Variants in TRAPPC11 observed in about 807,000 individuals in gnomAD.
The protein encoded by TRAPPC11 is trafficking protein particle complex subunit 11.
In TRAPPC11, 104 loss-of-function variants were observed where a neutral mutation model predicts 151.2. That is an observed-to-expected ratio of 0.69 (90% confidence interval 0.59 to 0.81). The LOEUF is 0.81. Among genes scored for constraint, TRAPPC11 ranks in the 30% least tolerant of loss-of-function variants. TRAPPC11 has a pLI of 0.00. For missense variants in TRAPPC11, 1,230 were observed against 1,349.6 expected, an observed-to-expected ratio of 0.91 and a Z score of 1.39; for synonymous variants, 456 against 472.3, an observed-to-expected ratio of 0.97 and a Z score of 0.45.
chr4:183,687,928 C>A (rs1406173407), intron 18 of TRAPPC11, among the ~76,000 whole-genome samples: 1 of 152,036 alleles, frequency 6.6e-6, no homozygotes, highest in African/African-American at 2.4e-5. Context: ...TTTTTTCTTG[C>A]AGAATTGGGA....
chr4:183,708,177 G>A (rs1300873442), intron 28 of TRAPPC11, among the ~76,000 whole-genome samples: 1 of 152,114 alleles, frequency 6.6e-6, no homozygotes, highest in South Asian at 2.1e-4. Context: ...GGTAGAAACC[G>A]AGAAATCTTG....
At chr4:183,667,159 T>TA in intron 4 of TRAPPC11, 29 bp downstream of exon 4, 1 of 1,553,708 alleles carries the variant, frequency 6.4e-7, no homozygotes, top group Non-Finnish European at 8.8e-7. Context: ...ATGAATTAAT[T>TA]GTTTTATACC....
chr4:183,691,239 T>C, intron 18 of TRAPPC11, 77 bp from the exon 19 acceptor site: 1 of 1,189,254 alleles, frequency 8.4e-7, no homozygotes. Context: ...GGAGTTATAC[T>C]AAATGAGCTC....
intron 23 of TRAPPC11, among the ~76,000 whole-genome samples, chr4:183,696,090 A>G (rs934950417): frequency 6.6e-6 from 1 of 152,334 alleles, no homozygotes; most frequent in East Asian, 1.9e-4. Flanking sequence ...AAATGCTCCC[A>G]GGAGCATTTT....
At chr4:183,673,485 G>C (rs1424683914) in intron 5 of TRAPPC11, among the ~76,000 whole-genome samples, 1 of 151,942 alleles carries the variant, frequency 6.6e-6, no homozygotes, top group African/African-American at 2.4e-5. Flanking sequence ...ACCAGCCTGG[G>C]CAACATGGTG....
chr4:183,679,542 GAAATAGCATGGACTTTGGTTCTAA>G, intron 9 of TRAPPC11, 56 bp downstream of exon 9: 3 of 1,447,538 alleles, frequency 2.1e-6, no homozygotes, highest in South Asian at 2.8e-5. Context: ...AGTATTTGGA[GAAATAGCATGGACTTTGGTTCTAA>G]AACTGAACCA....
chr4:183,695,580 A>G (rs180691755), intron 23 of TRAPPC11, among the ~76,000 whole-genome samples: 1 of 152,222 alleles, frequency 6.6e-6, no homozygotes, highest in African/African-American at 2.4e-5. Flanking sequence ...TATAATGTTT[A>G]TGTTCTCTTT....
At chr4:183,693,171 T>C (rs1736344020) in intron 20 of TRAPPC11, 24 bp downstream of exon 20, 1 of 1,548,830 alleles carries the variant, frequency 6.5e-7, no homozygotes, top group South Asian at 1.2e-5. Context: ...GCTAAGCTGA[T>C]ATTAAAGGTC....
In TRAPPC11 at chr4:183,667,214, A is replaced by G; in HGVS notation, c.445+84A>G. ...AGATAGGGGTTTTTTGGATGTTTAA[A>G]TCTTTTATGCATTCAGTTATGGGGC... On this transcript the variant is annotated intron_variant, in intron 4 of 29. Transcript: ENST00000334690. 3.7e-6 allele frequency: 4 copies of G among 1,069,880 alleles called. No homozygotes were observed. In the South Asian group the frequency reaches 6.0e-5, roughly 16 times the overall value. The allele number at this position is 1,069,880 out of a possible 1,614,324, so 66.3% of individuals were successfully genotyped here.
rs1478776350 is a variant in TRAPPC11, at chr4:183,694,658, G to A, written c.2563G>A (p.Val855Ile). 8 of 1,612,210 alleles carry A rather than the reference G, an allele frequency of 5.0e-6. No homozygotes were observed. The highest frequency in any genetic ancestry group is 6.8e-6 in the Non-Finnish European group (8 of 1,179,418). The change falls in exon 23 of 30, where the codon GTA becomes ATA. Residue 855 changes from valine to isoleucine, a missense_variant. By Grantham distance (29) the Val-to-Ile change is conservative (BLOSUM62 3). Coordinates refer to ENST00000334690, the MANE Select transcript of TRAPPC11 (RefSeq NM_021942.6). ...CGTVGSRMFL[V>I]YVSYLINTTV... The stretch of plus-strand genomic sequence containing the variant: ...AACAGTGGGTTCCAGAATGTTTCTT[G>A]TATATGTTTCTTACCTGATAAATAC...
intron 18 of TRAPPC11, among the ~76,000 whole-genome samples, chr4:183,687,865 G>C (rs6851384): frequency 6.6e-6 from 1 of 151,906 alleles, no homozygotes; most frequent in African/African-American, 2.4e-5. Flanking sequence ...CACCCTCTAC[G>C]TTAACTTCTT....
intron 26 of TRAPPC11, 44 bp downstream of exon 26, chr4:183,701,852 A>AT (rs1326209987): frequency 1.6e-6 from 2 of 1,214,750 alleles, no homozygotes; most frequent in Non-Finnish European, 2.4e-6. Context: ...TGTCTCTGTT[A>AT]TTCTCATACC....
intron 23 of TRAPPC11, among the ~76,000 whole-genome samples, chr4:183,696,164 A>C (rs1263756491): frequency 6.6e-6 from 1 of 152,184 alleles, no homozygotes; most frequent in Non-Finnish European, 1.5e-5. Flanking sequence ...AATCTGAGAC[A>C]CTTCTGGCCC....
intron 1 of TRAPPC11, among the ~76,000 whole-genome samples, chr4:183,662,034 G>T (rs1188003534): frequency 1.3e-5 from 2 of 152,002 alleles, no homozygotes; most frequent in African/African-American, 2.4e-5. Flanking sequence ...AAAGTGCTGG[G>T]ATTATAGGCA....
At chr4:183,692,321 C>T (rs1399862146) in intron 19 of TRAPPC11, among the ~76,000 whole-genome samples, 1 of 151,716 alleles carries the variant, frequency 6.6e-6, no homozygotes, top group East Asian at 1.9e-4. Flanking sequence ...AACCAGTGTT[C>T]CCATAACAGT....
intron 5 of TRAPPC11, among the ~76,000 whole-genome samples, chr4:183,669,651 T>C (rs1210407075): frequency 6.6e-6 from 1 of 152,158 alleles, no homozygotes; most frequent in Non-Finnish European, 1.5e-5. Flanking sequence ...CTTTTATGAT[T>C]GCCATAACTG....
chr4:183,711,741 T>A (rs1011498621), intron 29 of TRAPPC11, among the ~76,000 whole-genome samples: 1 of 100,820 alleles, frequency 9.9e-6, no homozygotes, highest in African/African-American at 2.9e-5. Flanking sequence ...ATCTTTCTGC[T>A]TAAAGCATAG....
intron 8 of TRAPPC11, among the ~76,000 whole-genome samples, chr4:183,678,552 C>A (rs1735525436): frequency 6.6e-6 from 1 of 152,082 alleles, no homozygotes; most frequent in Non-Finnish European, 1.5e-5. Context: ...GAATAATACC[C>A]AAAATATATT....
At chr4:183,689,128 A>G (rs1428286698) in intron 18 of TRAPPC11, among the ~76,000 whole-genome samples, 3 of 152,188 alleles carry the variant, frequency 2.0e-5, no homozygotes. Flanking sequence ...AAATAATATC[A>G]TGGAAGCCAA....
Sources: gnomAD v4.1 joint callset for allele counts (sites outside exome capture counted in the v4.1 genomes callset) on GRCh38, gnomAD v4.1.1 for gene constraint, MANE v1.5 for transcripts, NCBI Gene and HGNC (gene_info 2026-07-23, HGNC 2026-07-21) for gene names.